Variants in PTPRN2 observed in about 807,000 individuals in gnomAD.
The protein encoded by PTPRN2 is protein tyrosine phosphatase receptor type N2, also known as receptor-type tyrosine-protein phosphatase N2.
PTPRN2 carries 74 observed loss-of-function variants against 118.8 expected under a neutral mutation model. That is an observed-to-expected ratio of 0.62 (90% confidence interval 0.52 to 0.76). The LOEUF (loss-of-function observed/expected upper bound fraction) is 0.76. Among genes scored for constraint, PTPRN2 ranks in the 30% least tolerant of loss-of-function variants. The probability of loss-of-function intolerance (pLI) is 0.00; values close to 1 mark genes in which losing one functional copy is unlikely to be tolerated. For missense variants in PTPRN2, 1,481 were observed against 1,394.4 expected (o/e 1.06, Z -0.99); for synonymous variants, 641 against 608.0 (o/e 1.05, Z -0.80).
intron 12 of PTPRN2, among the ~76,000 whole-genome samples, chr7:157,758,145 T>A (rs2952648): frequency 6.6e-6 from 1 of 152,022 alleles, no homozygotes; most frequent in African/African-American, 2.4e-5. Flanking sequence ...TCCCCGTAGC[T>A]CCCGGCGTGG....
intron 17 of PTPRN2, among the ~76,000 whole-genome samples, chr7:157,582,528 C>T (rs142485441): frequency 1.2e-4 from 18 of 152,144 alleles, no homozygotes; most frequent in African/African-American, 4.1e-4. Context: ...GTGGAAGAGA[C>T]GGAACCTTAC....
At chr7:158,120,207 T>C (rs1158745231) in intron 9 of PTPRN2, among the ~76,000 whole-genome samples, 1 of 151,930 alleles carries the variant, frequency 6.6e-6, no homozygotes, top group Non-Finnish European at 1.5e-5. Flanking sequence ...AGGGTAGTGT[T>C]TAATGGGGAT....
intron 2 of PTPRN2, among the ~76,000 whole-genome samples, chr7:158,484,234 C>T (rs7810884): frequency 0.24 from 37,095 of 152,106 alleles, 4,588 homozygotes; most frequent in South Asian, 0.34. Flanking sequence ...CCTCTCAGTA[C>T]CACCAAAGGG....
intron 2 of PTPRN2, among the ~76,000 whole-genome samples, chr7:158,317,496 G>A (rs1017410356): frequency 1.3e-5 from 2 of 152,190 alleles, no homozygotes; most frequent in African/African-American, 4.8e-5. Context: ...TATTTAGCTC[G>A]ATTCCATTTG....
Position 158,170,469 on chromosome 7 carries a change from AG to A in PTPRN2, c.550-3179del, listed in dbSNP as rs1823436873. Among the ~76,000 whole-genome samples the A allele has an allele frequency of 2.0e-5, 3 of 152,356 alleles. No individual in the cohort carries two copies. The South Asian group carries it at 6.2e-4, about 32-fold the overall frequency. ...TCAGTGCATTACACAATCACAGCAG[AG>A]TGTGATCTGTGCAGTAGACTTGGAT... On this transcript the variant is annotated intron_variant, in intron 5 of 22. Coordinates refer to ENST00000389418, the MANE Select transcript of PTPRN2 (RefSeq NM_002847.5).
At chr7:157,680,587 G>A (rs151142261) in intron 13 of PTPRN2, among the ~76,000 whole-genome samples, 6 of 152,118 alleles carry the variant, frequency 3.9e-5, no homozygotes, top group South Asian at 4.1e-4. Context: ...TCACTACTGC[G>A]TCCTGCTCCG....
In PTPRN2 at chr7:157,657,040, TAC is replaced by T. The variant is rs1172427144; in HGVS notation, c.2002-491_2002-490del. 1.0e-3 allele frequency among the ~76,000 whole-genome samples: 115 copies of T among 114,774 alleles called. 1 individual carries two copies. Among genetic ancestry groups the T allele is most frequent in the Non-Finnish European group, 1.8e-3 (101 of 56,844 alleles). The allele number at this position is 114,774 out of a possible 152,430, so 75.3% of individuals were successfully genotyped here. A position where few individuals can be genotyped will look rare whatever the true frequency, so the allele number is the denominator to read the frequency against. On this transcript the variant is annotated intron_variant, in intron 13 of 22. Coordinates refer to ENST00000389418, the MANE Select transcript of PTPRN2 (RefSeq NM_002847.5). ...ACACACACCACACACATCACACATA[TAC>T]ACACACATACACCACACACACCACA...
At chr7:157,931,307 C>T (rs942266433) in intron 11 of PTPRN2, among the ~76,000 whole-genome samples, 1 of 152,196 alleles carries the variant, frequency 6.6e-6, no homozygotes, top group African/African-American at 2.4e-5. Context: ...AATTGTGACT[C>T]ATGCAGGATT....
chr7:157,862,866 G>GGCGAGGTGCGCGGGAA (rs1199720810), intron 12 of PTPRN2: 2 of 152,762 alleles, frequency 1.3e-5, no homozygotes, highest in African/African-American at 4.8e-5. Context: ...GGCGAGGACC[G>GGCGAGGTGCGCGGGAA]GCTTTAAAGT....
intron 11 of PTPRN2, among the ~76,000 whole-genome samples, chr7:157,969,534 G>A (rs1366594840): frequency 1.3e-5 from 2 of 152,166 alleles, no homozygotes. Context: ...GGCAGGCTGG[G>A]TGCTGCCTGG....
At chr7:158,230,066 C>T (rs1214123837) in intron 3 of PTPRN2, among the ~76,000 whole-genome samples, 1 of 152,116 alleles carries the variant, frequency 6.6e-6, no homozygotes, top group Non-Finnish European at 1.5e-5. Flanking sequence ...AGAAACCATA[C>T]AGGCCAGGAG....
At chr7:158,175,912 C>T (rs952067362) in intron 5 of PTPRN2, among the ~76,000 whole-genome samples, 1 of 152,154 alleles carries the variant, frequency 6.6e-6, no homozygotes, top group African/African-American at 2.4e-5. Flanking sequence ...CAGTGCTGCT[C>T]TCAGTCTGCC....
intron 11 of PTPRN2, among the ~76,000 whole-genome samples, chr7:157,899,913 C>A (rs538228496): frequency 6.6e-6 from 1 of 152,228 alleles, no homozygotes; most frequent in East Asian, 1.9e-4. Flanking sequence ...AAATGTAAGC[C>A]TTGGGTGGCA....
chr7:157,868,903 G>A lies in PTPRN2; in HGVS notation c.1788+29770C>T, dbSNP rs943472186. Reference sequence around the variant, plus strand: ...CATTTAGCATTGCCTAGCACCAGTGGTGAGGCCAGGCCTCCCGCGCCCTCC... The same window carrying A: ...CATTTAGCATTGCCTAGCACCAGTGATGAGGCCAGGCCTCCCGCGCCCTCC... On this transcript the variant is annotated intron_variant, in intron 12 of 22. Transcript: ENST00000389418. This position sits in a 1 kb window ranked among gnomAD's most constrained non-coding sequence, Gnocchi z 5.2. The A allele has an allele frequency of 6.6e-6, 1 of 152,176 alleles. No homozygotes were observed. Among genetic ancestry groups the A allele is most frequent in the Admixed American group, 6.5e-5 (1 of 15,272 alleles). 9.4% of individuals were successfully genotyped at this position (152,176 alleles called of 1,614,324 possible). A position where few individuals can be genotyped will look rare whatever the true frequency, so the allele number is the denominator to read the frequency against.
chr7:157,565,319 G>T (rs1234530545), intron 21 of PTPRN2, among the ~76,000 whole-genome samples: 1 of 152,224 alleles, frequency 6.6e-6, no homozygotes, highest in Non-Finnish European at 1.5e-5. Flanking sequence ...TCCAGCATGG[G>T]CTCACAAGCC....
intron 3 of PTPRN2, among the ~76,000 whole-genome samples, chr7:158,272,782 T>C (rs753581838): frequency 3.3e-5 from 5 of 151,890 alleles, no homozygotes; most frequent in Non-Finnish European, 7.4e-5. Context: ...CAGGGCCTCA[T>C]AGGTGTGAGG....
Position 158,526,358 on chromosome 7 carries a change from C to T in PTPRN2, c.113-36573G>A, listed in dbSNP as rs561336011. 6.6e-6 allele frequency among the ~76,000 whole-genome samples: 1 copy of T among 152,326 alleles called. No individual in the cohort carries two copies. The highest frequency in any genetic ancestry group is 6.5e-5 in the Admixed American group (1 of 15,304). ...CTCCCGTGGGACGCTGCAGAGATAA[C>T]CAGGTAGAGCCACGCTCACGAGAAC... On this transcript the variant is annotated intron_variant, in intron 1 of 22. Coordinates refer to ENST00000389418, the MANE Select transcript of PTPRN2 (RefSeq NM_002847.5). This position sits in a 1 kb window ranked among gnomAD's most constrained non-coding sequence, Gnocchi z 5.2.
chr7:157,770,000 T>A (rs1375037237), intron 12 of PTPRN2, among the ~76,000 whole-genome samples: 1 of 152,188 alleles, frequency 6.6e-6, no homozygotes, highest in Non-Finnish European at 1.5e-5. Context: ...GGCTACCGCA[T>A]CCACGCTTGG....
In PTPRN2 at chr7:157,590,373, C is replaced by A. The variant is rs1380648962; in HGVS notation, c.2496+4865G>T. Among the ~76,000 whole-genome samples the A allele has an allele frequency of 6.6e-6, 1 of 152,186 alleles. No homozygotes were observed. Among genetic ancestry groups the A allele is most frequent in the Non-Finnish European group, 1.5e-5 (1 of 68,032 alleles). On this transcript the variant is annotated intron_variant, in intron 17 of 22. Transcript: ENST00000389418. The surrounding 1 kb of genome is among the most constrained non-coding windows in gnomAD (Gnocchi z 4.0). ...GACCCCTCTGAGCTGGAGTAAGGAC[C>A]AGGAATTCAGCCGAATGATTTGGAG...
Sources: allele counts gnomAD v4.1 joint callset (sites outside exome capture counted in the v4.1 genomes callset), GRCh38; gene constraint gnomAD v4.1.1; non-coding constraint Gnocchi (gnomAD v3.1); transcripts MANE v1.5; gene names NCBI Gene and HGNC (gene_info 2026-07-23, HGNC 2026-07-21).